Variants in GABRG1 observed in about 807,000 individuals in gnomAD.
The protein encoded by GABRG1 is gamma-aminobutyric acid receptor subunit gamma-1.
GABRG1 carries 49 observed loss-of-function variants against 49.8 expected under a neutral mutation model. The observed-to-expected ratio is 0.98, with a 90% CI of 0.78 to 1.25. The LOEUF (loss-of-function observed/expected upper bound fraction) is 1.25. GABRG1 is among the 50% of genes most tolerant of loss of function. GABRG1 has a pLI of 0.00. For missense variants in GABRG1, 552 were observed against 552.3 expected (o/e 1.00, Z 0.01); for synonymous variants, 232 against 185.1 (o/e 1.25, Z -2.06).
intron 1 of GABRG1, among the ~76,000 whole-genome samples, chr4:46,112,077 TTGCAAACTG>T (rs1720734950): frequency 6.6e-6 from 1 of 151,264 alleles, no homozygotes; most frequent in Admixed American, 6.6e-5. Context: ...GAGAAAATAT[TTGCAAACTG>T]TGCATCTGAC....
At chr4:46,087,758 C>G (rs1407409566) in intron 2 of GABRG1, among the ~76,000 whole-genome samples, 1 of 151,670 alleles carries the variant, frequency 6.6e-6, no homozygotes, top group African/African-American at 2.4e-5. Context: ...AGTCTTTGAC[C>G]CAAAGATAGA....
At chr4:46,095,868 A>C (rs1034857568) in intron 2 of GABRG1, among the ~76,000 whole-genome samples, 2 of 151,870 alleles carry the variant, frequency 1.3e-5, no homozygotes, top group Admixed American at 1.3e-4. Flanking sequence ...AAGGTTTGTT[A>C]CGTAAGTGAA....
rs576239535 is a variant in GABRG1 at position 46,071,751 on chromosome 4, A to G, written c.322-6167T>C. 2.6e-5 allele frequency among the ~76,000 whole-genome samples: 4 copies of G among 152,118 alleles called. No homozygotes were observed. The East Asian group carries it at 7.7e-4, about 29-fold the overall frequency. On this transcript the variant is annotated intron_variant, in intron 3 of 8. Coordinates refer to ENST00000295452, the MANE Select transcript of GABRG1 (RefSeq NM_173536.4). ...CTAAAAAAAAAATTGAAAAAAGCAA[A>G]AGCTTACAAAATAATGACACAAAGA...
In GABRG1 at chr4:46,039,810, A is replaced by T. The variant is rs553746344; in HGVS notation, c.*1178T>A. The T allele has an allele frequency of 2.6e-5, 4 of 151,662 alleles. No individual in the cohort carries two copies. Among genetic ancestry groups the T allele is most frequent in the African/African-American group, 9.7e-5 (4 of 41,364 alleles). The allele number at this position is 151,662 out of a possible 1,614,324, so 9.4% of individuals were successfully genotyped here. On this transcript the variant is annotated 3_prime_UTR_variant, in exon 9 of 9. Coordinates refer to ENST00000295452, the MANE Select transcript of GABRG1 (RefSeq NM_173536.4). ...ATGTTCATTAAAGATGCCTCTAACA[A>T]AACTCCCTCTTTAACATGATTTTGA... is the stretch of plus-strand genomic sequence containing the variant.
intron 8 of GABRG1, among the ~76,000 whole-genome samples, chr4:46,042,854 C>T (rs1440060816): frequency 1.3e-5 from 2 of 151,744 alleles, no homozygotes; most frequent in Non-Finnish European, 2.9e-5. Context: ...GAGAAATGCC[C>T]CAAACACAAG....
In GABRG1 at chr4:46,040,869, A is replaced by AT. The variant is rs1392261081; in HGVS notation, c.*118dup. ...AAGGCCTTAAAATAGTTACAATACT[A>AT]TTCACATTTTAACCATTGGTCTCTC... On this transcript the variant is annotated 3_prime_UTR_variant, in exon 9 of 9. Transcript: ENST00000295452. 1.9e-6 allele frequency: 2 copies of AT among 1,040,222 alleles called. No individual in the cohort carries two copies. Among genetic ancestry groups the AT allele is most frequent in the African/African-American group, 3.2e-5 (2 of 62,196 alleles). The allele number at this position is 1,040,222 out of a possible 1,614,324, so 64.4% of individuals were successfully genotyped here. A position where few individuals can be genotyped will look rare whatever the true frequency, so the allele number is the denominator to read the frequency against.
Position 46,058,249 on chromosome 4 carries a change from T to C in GABRG1, c.884A>G (p.Asn295Ser). ...VVLSWVSFWI[N>S]KDAVPARTSL... ...TGTTCTTGCAGGCACTGCATCTTTA[T>C]TGATCCAAAAAGACACCCAAGAAAG... Residue 295 changes from asparagine (N) to serine (S), a missense_variant, in exon 7 of 9, where the codon AAT becomes AGT. Coordinates refer to ENST00000295452, the MANE Select transcript of GABRG1 (RefSeq NM_173536.4). The C allele has an allele frequency of 2.5e-6, 4 of 1,613,246 alleles. No homozygotes were observed. The highest frequency in any genetic ancestry group is 2.5e-6 in the Non-Finnish European group (3 of 1,179,528).
chr4:46,056,247 C>T lies in GABRG1; in HGVS notation c.916+1970G>A, dbSNP rs531876766. On this transcript the variant is annotated intron_variant, in intron 7 of 8. Coordinates refer to ENST00000295452, the MANE Select transcript of GABRG1 (RefSeq NM_173536.4). Reference sequence around the variant, plus strand: ...AATGGCCCACAAAAATTTACCTGATCTAACTATTGGCCCCTTCTCCAAATT... The same window carrying T: ...AATGGCCCACAAAAATTTACCTGATTTAACTATTGGCCCCTTCTCCAAATT... Among the ~76,000 whole-genome samples the T allele has an allele frequency of 7.7e-4, 113 of 146,998 alleles. 1 individual carries two copies. Among genetic ancestry groups the T allele is most frequent in the Middle Eastern group, 8.3e-3 (2 of 242 alleles).
At chr4:46,043,626 A>G (rs967533711) in intron 8 of GABRG1, among the ~76,000 whole-genome samples, 1 of 152,028 alleles carries the variant, frequency 6.6e-6, no homozygotes, top group African/African-American at 2.4e-5. Context: ...GTTTCTCAAG[A>G]ATAGACCCTG....
At chr4:46,063,534 AT>A (rs1718793030) in intron 5 of GABRG1, among the ~76,000 whole-genome samples, 2 of 152,198 alleles carry the variant, frequency 1.3e-5, no homozygotes, top group South Asian at 4.1e-4. Flanking sequence ...ACAAAAATTA[AT>A]TCAAGATGGA....
chr4:46,098,522 C>T (rs377270601), intron 1 of GABRG1, among the ~76,000 whole-genome samples: 1 of 151,704 alleles, frequency 6.6e-6, no homozygotes, highest in Non-Finnish European at 1.5e-5. Flanking sequence ...TGCTTTGAAT[C>T]TAAACACCTT....
chr4:46,059,553 G>A (rs1718590796), intron 5 of GABRG1, among the ~76,000 whole-genome samples: 1 of 151,816 alleles, frequency 6.6e-6, no homozygotes, highest in African/African-American at 2.4e-5. Flanking sequence ...AACACGAATG[G>A]CTACCCTTTT....
chr4:46,070,863 A>C (rs993071260), intron 3 of GABRG1, among the ~76,000 whole-genome samples: 1 of 152,084 alleles, frequency 6.6e-6, no homozygotes, highest in Non-Finnish European at 1.5e-5. Flanking sequence ...GCCCAACTAC[A>C]TTATAGAGGG....
intron 1 of GABRG1, among the ~76,000 whole-genome samples, chr4:46,116,207 A>C (rs2109444412): frequency 6.6e-6 from 1 of 150,934 alleles, no homozygotes; most frequent in Middle Eastern, 3.4e-3. Flanking sequence ...AGAAATTGTA[A>C]ATGTTATTTT....
At chr4:46,099,610 A>C (rs1232960651) in intron 1 of GABRG1, among the ~76,000 whole-genome samples, 2 of 151,742 alleles carry the variant, frequency 1.3e-5, no homozygotes. Flanking sequence ...CAGTTCTACT[A>C]TTCCAAATCT....
intron 3 of GABRG1, among the ~76,000 whole-genome samples, chr4:46,079,812 C>T (rs1043297961): frequency 2.6e-5 from 4 of 151,706 alleles, no homozygotes; most frequent in African/African-American, 4.8e-5. Context: ...TACCCAACAC[C>T]GTGAGATATT....
intron 3 of GABRG1, among the ~76,000 whole-genome samples, chr4:46,066,665 T>A (rs1031096752): frequency 2.0e-5 from 3 of 152,080 alleles, no homozygotes; most frequent in African/African-American, 7.2e-5. Context: ...CCATAGTAAC[T>A]GTAATTAGGA....
At chr4:46,057,748 A>G (rs1487306979) in intron 7 of GABRG1, among the ~76,000 whole-genome samples, 1 of 152,084 alleles carries the variant, frequency 6.6e-6, no homozygotes, top group East Asian at 1.9e-4. Flanking sequence ...TGTTCCTTTC[A>G]GCTACTTGCC....
At chr4:46,114,407 A>C (rs1425016264) in intron 1 of GABRG1, among the ~76,000 whole-genome samples, 3 of 151,036 alleles carry the variant, frequency 2.0e-5, no homozygotes, top group Non-Finnish European at 4.5e-5. Flanking sequence ...AGCCTAGAAT[A>C]CTAGGTAAGT....
Sources: allele counts gnomAD v4.1 joint callset (sites outside exome capture counted in the v4.1 genomes callset), GRCh38; gene constraint gnomAD v4.1.1; transcripts MANE v1.5; gene names NCBI Gene and HGNC (gene_info 2026-07-23, HGNC 2026-07-21).